DCAF6: variants seen among roughly 807,000 people sequenced by gnomAD.
DCAF6 encodes the protein DDB1 and CUL4 associated factor 6.
A neutral mutation model predicts 125.1 loss-of-function variants in DCAF6; 54 were observed. That is an observed-to-expected ratio of 0.43 (90% CI 0.35 to 0.54). DCAF6 has a LOEUF of 0.54. DCAF6 is among the 20% of genes least tolerant of loss of function. The pLI, the probability that DCAF6 is intolerant of heterozygous loss-of-function variation, is 0.01. For missense variants in DCAF6, 934 were observed against 1,161.7 expected, an observed-to-expected ratio of 0.80 and a Z score of 2.85; for synonymous variants, 371 against 390.4, an observed-to-expected ratio of 0.95 and a Z score of 0.58.
intron 1 of DCAF6, among the ~76,000 whole-genome samples, chr1:167,949,257 TTCTTC>T (rs1673558300): frequency 6.6e-6 from 1 of 152,228 alleles, no homozygotes. Context: ...TGGGAGAAGA[TTCTTC>T]ATAGCTCTTT....
chr1:168,045,202 A>G lies in DCAF6; in HGVS notation c.2233A>G (p.Arg745Gly), dbSNP rs1558023432. 2 of 1,613,192 alleles carry G rather than the reference A, an allele frequency of 1.2e-6. No homozygotes were observed. Among genetic ancestry groups the G allele is most frequent in the South Asian group, 1.1e-5 (1 of 90,900 alleles). ...TGACCCAGTCCTGATCCCAGGTGCA[A>G]GGTATCGAGCAGGACCTGGTGATAG... ...DDDPVLIPGA[R>G]YRAGPGDRFN... The change falls in exon 16 of 22, where the codon AGG (arginine) becomes GGG (glycine). Residue 745 changes from arginine to glycine, a missense_variant. By Grantham distance (125) the Arg-to-Gly change is moderately radical (BLOSUM62 -2). Transcript: ENST00000367840.
At chr1:167,949,845 G>C (rs1010496029) in intron 1 of DCAF6, among the ~76,000 whole-genome samples, 28 of 152,064 alleles carry the variant, frequency 1.8e-4, no homozygotes, top group African/African-American at 6.5e-4. Flanking sequence ...TTTTGTGGTG[G>C]GTTTTTGCTT....
intron 1 of DCAF6, among the ~76,000 whole-genome samples, chr1:167,945,806 T>C (rs1672984488): frequency 6.6e-6 from 1 of 151,336 alleles, no homozygotes. Context: ...GGCCTTTTTT[T>C]TTTTGTTATT....
intron 5 of DCAF6, among the ~76,000 whole-genome samples, chr1:167,989,946 A>G (rs1455976125): frequency 6.6e-6 from 1 of 152,140 alleles, no homozygotes; most frequent in Non-Finnish European, 1.5e-5. Context: ...CCTTCAGGAT[A>G]TGTTTGGGGT....
the DCAF6 span, among the ~76,000 whole-genome samples, chr1:167,894,729 A>C: frequency 2.0e-5 from 3 of 152,128 alleles, no homozygotes; most frequent in Admixed American, 6.6e-5. Context: ...CATTTCAGTG[A>C]ATTACTGAAC....
intron 1 of DCAF6, among the ~76,000 whole-genome samples, chr1:167,938,115 A>G (rs1472567702): frequency 1.3e-5 from 2 of 152,224 alleles, no homozygotes; most frequent in Admixed American, 1.3e-4. Context: ...AAACTCAATA[A>G]AAATGAAGCA....
At chr1:167,880,770 T>C in the DCAF6 span, among the ~76,000 whole-genome samples, 3 of 152,214 alleles carry the variant, frequency 2.0e-5, no homozygotes, top group Non-Finnish European at 4.4e-5. Context: ...CTTCAAACAC[T>C]TCTACTGCAT....
chr1:168,043,194 C>G, intron 14 of DCAF6, 54 bp downstream of exon 14: 1 of 1,304,842 alleles, frequency 7.7e-7, no homozygotes, highest in Non-Finnish European at 1.1e-6. Flanking sequence ...GGATGTTTAT[C>G]TACTTTCCTG....
At position 167,997,330 on chromosome 1, in the gene DCAF6, G is replaced by A. The variant is rs115151729; in HGVS notation, c.903+3890G>A. 5.6e-3 allele frequency among the ~76,000 whole-genome samples: 855 copies of A among 152,254 alleles called. 7 individuals carry two copies. Among genetic ancestry groups the A allele is most frequent in the African/African-American group, 0.019 (800 of 41,554 alleles). On this transcript the variant is annotated intron_variant, in intron 7 of 21. Transcript: ENST00000367840. ...TATTATATTGTTTTAAGAATAGTTC[G>A]TATGAAGGATGAAGCCCTCTCCTTT...
At chr1:167,922,959 T>C in the DCAF6 span, among the ~76,000 whole-genome samples, 29 of 152,296 alleles carry the variant, frequency 1.9e-4, no homozygotes, top group African/African-American at 6.7e-4. Flanking sequence ...ATGTTCAGCA[T>C]GACTAATCAT....
chr1:167,916,902 C>A, the DCAF6 span: 1 of 152,340 alleles, frequency 6.6e-6, no homozygotes, highest in African/African-American at 2.4e-5. Flanking sequence ...AGAACCTCTT[C>A]ATTGTGGCCT....
At chr1:167,898,670 G>A in the DCAF6 span, among the ~76,000 whole-genome samples, 1 of 152,218 alleles carries the variant, frequency 6.6e-6, no homozygotes, top group East Asian at 1.9e-4. Flanking sequence ...AGGCCATGCA[G>A]GCTGGATATG....
intron 2 of DCAF6, among the ~76,000 whole-genome samples, chr1:167,955,578 C>T (rs935571923): frequency 4.1e-5 from 6 of 147,698 alleles, no homozygotes; most frequent in African/African-American, 1.5e-4. Flanking sequence ...ATTCAAGTAG[C>T]TTTTTTTTTT....
chr1:167,885,668 G>A, the DCAF6 span, among the ~76,000 whole-genome samples: 3 of 152,056 alleles, frequency 2.0e-5, no homozygotes, highest in South Asian at 6.2e-4. Context: ...CTGGGCTGGA[G>A]TGCAGTGGCA....
chr1:168,015,832 T>C lies in DCAF6; in HGVS notation c.1430T>C (p.Leu477Pro), dbSNP rs1684894369. Residue 477 changes from leucine to proline, a missense_variant, in exon 11 of 22, where the codon CTG becomes CCG. Leu to Pro is a moderately conservative substitution (Grantham distance 98). Transcript: ENST00000367840. ...TTGCTTCGTAAGCGCCTGCAACAAC[T>C]GAGGCTTAAGAAGGCTGAGCAGCAG... ...IALLRKRLQQ[L>P]RLKKAEQQRQ... 5 of 1,536,636 alleles carry C rather than the reference T, an allele frequency of 3.3e-6. No homozygotes were observed. Among genetic ancestry groups the C allele is most frequent in the Middle Eastern group, 1.7e-4 (1 of 5,966 alleles).
At chr1:167,894,492 G>T in the DCAF6 span, among the ~76,000 whole-genome samples, 6 of 152,180 alleles carry the variant, frequency 3.9e-5, no homozygotes, top group Non-Finnish European at 8.8e-5. Flanking sequence ...TATAAAGATT[G>T]ATAGTTTTAT....
rs752417831 is a variant in DCAF6 at position 167,993,256 on chromosome 1, T to C, written c.719T>C (p.Met240Thr). 1 of 1,614,152 alleles carries C rather than the reference T, an allele frequency of 6.2e-7. No homozygotes were observed. The highest frequency in any genetic ancestry group is 1.7e-5 in the Admixed American group (1 of 60,014). Residue 240 changes from methionine (M) to threonine (T), a missense_variant, in exon 7 of 22, where the codon ATG becomes ACG. Physicochemically the swap from Met to Thr is moderately conservative, Grantham distance 81. Coordinates refer to ENST00000367840, the MANE Select transcript of DCAF6 (RefSeq NM_001198956.2). ...GNYAGRGTTG[M>T]VARFIPSHLN... Reference sequence around the variant, plus strand: ...TATGCAGGTCGAGGGACTACTGGAATGGTTGCCCGTTTTATTCCTTCCCAT... The same window carrying C: ...TATGCAGGTCGAGGGACTACTGGAACGGTTGCCCGTTTTATTCCTTCCCAT...
chr1:167,971,605 A>C (rs551157749), intron 3 of DCAF6, among the ~76,000 whole-genome samples: 4 of 152,340 alleles, frequency 2.6e-5, no homozygotes, highest in African/African-American at 9.6e-5. Flanking sequence ...AGAGATGCCA[A>C]CTTTGGCCAG....
At position 168,036,071 on chromosome 1, in the gene DCAF6, A is replaced by AAAAAC. The variant is rs961903654; in HGVS notation, c.1610-2285_1610-2281dup. Among the ~76,000 whole-genome samples the AAAAAC allele has an allele frequency of 2.6e-5, 4 of 152,194 alleles. No homozygotes were observed. In the South Asian group the frequency reaches 6.2e-4, roughly 24 times the overall value. ...AAAGAGCCTCCATCTCAAAAAAAAT[A>AAAAAC]AAAACAAAACAAAACAAAAAAACTT... On this transcript the variant is annotated intron_variant, in intron 12 of 21. Transcript: ENST00000367840.
Sources: allele counts gnomAD v4.1 joint callset (sites outside exome capture counted in the v4.1 genomes callset), GRCh38; gene constraint gnomAD v4.1.1; transcripts MANE v1.5; gene names NCBI Gene and HGNC (gene_info 2026-07-23, HGNC 2026-07-21).